The following COL4A6 variants were observed in gnomAD, a reference collection of about 807,000 sequenced individuals.
COL4A6 encodes the protein collagen alpha-6(IV) chain.
Under a neutral mutation model 126.7 loss-of-function variants are expected in COL4A6, and 59 were observed. The observed-to-expected ratio is 0.47, with a 90% CI of 0.38 to 0.58. The LOEUF (loss-of-function observed/expected upper bound fraction) is 0.58, where lower values mean the gene tolerates loss of function less well. COL4A6 is among the 20% of genes least tolerant of loss of function. The probability of loss-of-function intolerance (pLI) is 0.00; values close to 1 mark genes in which losing one functional copy is unlikely to be tolerated. For synonymous variants in COL4A6, 547 were observed against 496.6 expected (o/e 1.10, Z -1.35); for missense variants, 1,285 against 1,337.3 (o/e 0.96, Z 0.61).
At chrX:108,162,814 G>A in intron 41 of COL4A6, 78 bp downstream of exon 41, 2 of 1,003,479 alleles carry the variant, frequency 2.0e-6, no homozygotes, top group Non-Finnish European at 2.7e-6. Context: ...CACCCTTGGA[G>A]GTGGACATCC....
At chrX:108,239,418 T>C (rs1238511558) in intron 3 of COL4A6, among the ~76,000 whole-genome samples, 1 of 112,249 alleles carries the variant, frequency 8.9e-6, no homozygotes, top group Non-Finnish European at 1.9e-5. Context: ...GCTTTTCTTT[T>C]CTTTTTCAGG....
chrX:108,188,587 C>T lies in COL4A6; in HGVS notation c.1517G>A (p.Gly506Asp), dbSNP rs758159034. The change falls in exon 21 of 45, where the codon GGC (glycine) becomes GAC (aspartate). Residue 506 changes from glycine (G) to aspartate (D), a missense_variant. Gly to Asp is a moderately conservative substitution (Grantham distance 94, BLOSUM62 -1). Coordinates refer to ENST00000334504, the MANE Select transcript of COL4A6 (RefSeq NM_033641.4). ...TCTGGCTCCTTTAAGGCCTGGAAGGCCTATGAGACCCCATGGACCAGGTGG... is the reference window on the plus strand; with the variant it reads ...TCTGGCTCCTTTAAGGCCTGGAAGGTCTATGAGACCCCATGGACCAGGTGG... ...PGPPGPWGLI[G>D]LPGLKGARGD... 1.7e-6 allele frequency: 2 copies of T among 1,200,429 alleles called. No individual in the cohort carries two copies. Among genetic ancestry groups the T allele is most frequent in the South Asian group, 1.8e-5 (1 of 54,518 alleles).
chrX:108,214,258 T>C, intron 5 of COL4A6, 30 bp from the exon 6 acceptor site: 1 of 1,049,647 alleles, frequency 9.5e-7, no homozygotes, highest in Non-Finnish European at 1.3e-6. Flanking sequence ...GGGATCAAGT[T>C]AGCCAAAGGA....
intron 3 of COL4A6, among the ~76,000 whole-genome samples, chrX:108,226,182 G>A (rs1046518690): frequency 6.2e-5 from 7 of 112,651 alleles, no homozygotes; most frequent in African/African-American, 2.3e-4. Context: ...TTGGATTATT[G>A]TCAGCATTTA....
chrX:108,203,295 G>C (rs968246487), intron 12 of COL4A6, among the ~76,000 whole-genome samples: 2 of 112,293 alleles, frequency 1.8e-5, no homozygotes, highest in Non-Finnish European at 3.8e-5. Flanking sequence ...AAGCTGTTCA[G>C]TACAATTTCC....
chrX:108,343,165 A>ATATATATATAGTGTGTGT (rs1377817612), intron 2 of COL4A6, among the ~76,000 whole-genome samples: 17 of 31,408 alleles, frequency 5.4e-4, no homozygotes, highest in Admixed American at 3.5e-3. Context: ...ATATATATAT[A>ATATATATATAGTGTGTGT]GTGTGTGTGT....
chrX:108,305,098 T>C (rs1233777798), intron 3 of COL4A6, among the ~76,000 whole-genome samples: 1 of 111,691 alleles, frequency 9.0e-6, no homozygotes, highest in Non-Finnish European at 1.9e-5. Context: ...GAAATGATGG[T>C]AAGAGTAGAC....
chrX:108,187,737 G>T, intron 22 of COL4A6, 111 bp downstream of exon 22: 1 of 753,582 alleles, frequency 1.3e-6, no homozygotes, highest in Non-Finnish European at 1.9e-6. Context: ...GCAGGGCAAG[G>T]TCCTCTAGAC....
At chrX:108,392,036 A>C in intron 2 of COL4A6, among the ~76,000 whole-genome samples, 1 of 112,465 alleles carries the variant, frequency 8.9e-6, no homozygotes, top group Non-Finnish European at 1.9e-5. Flanking sequence ...AGTCTTTTCA[A>C]CAAATGGCGT....
rs370164057 is a variant in COL4A6 at position 108,169,607 on chromosome X, G to A, written c.3579C>T (p.Thr1193=). 30 of 1,207,624 alleles carry A rather than the reference G, an allele frequency of 2.5e-5. No homozygotes were observed. Among genetic ancestry groups the A allele is most frequent in the African/African-American group, 3.5e-5 (2 of 57,063 alleles). The part of the protein sequence containing the change: ...GTHGTPGPSI[T]GVPGPAGLPG... ...GGAGACCAGCAGGCCCAGGCACACC[G>A]GTGATACTAGGTCCTAGGAGGAGAT... Residue 1193 remains threonine, a synonymous_variant, in exon 37 of 45, where the codon ACC becomes ACT. Coordinates refer to ENST00000334504, the MANE Select transcript of COL4A6 (RefSeq NM_033641.4).
intron 3 of COL4A6, among the ~76,000 whole-genome samples, chrX:108,278,229 A>G (rs1269377629): frequency 1.8e-5 from 2 of 111,952 alleles, no homozygotes; most frequent in Non-Finnish European, 3.8e-5. Context: ...AAGGCAAAGA[A>G]GTTGAAAACT....
At chrX:108,232,509 G>A (rs1332886797) in intron 3 of COL4A6, among the ~76,000 whole-genome samples, 1 of 111,727 alleles carries the variant, frequency 9.0e-6, no homozygotes, top group Non-Finnish European at 1.9e-5. Flanking sequence ...GTTTACTTGG[G>A]ATGAATTTAA....
At chrX:108,207,988 T>C (rs2148214998) in intron 8 of COL4A6, among the ~76,000 whole-genome samples, 1 of 111,651 alleles carries the variant, frequency 9.0e-6, no homozygotes, top group South Asian at 3.8e-4. Context: ...TATTAGAATG[T>C]TATAAAAAAA....
At chrX:108,434,784 T>A (rs868784605) in intron 2 of COL4A6, among the ~76,000 whole-genome samples, 7 of 107,234 alleles carry the variant, frequency 6.5e-5, no homozygotes, top group East Asian at 2.9e-4. Context: ...ATATATATAT[T>A]ATATATTTAT....
chrX:108,408,949 G>A (rs958248064), intron 2 of COL4A6, among the ~76,000 whole-genome samples: 2 of 111,914 alleles, frequency 1.8e-5, no homozygotes, highest in Admixed American at 1.9e-4. Flanking sequence ...CAACAAGAGC[G>A]ACACTCTGTC....
At chrX:108,204,254 A>T in intron 12 of COL4A6, 66 bp downstream of exon 12, 1 of 832,802 alleles carries the variant, frequency 1.2e-6, no homozygotes, top group Non-Finnish European at 1.7e-6. Flanking sequence ...TATTAGAGTT[A>T]AGTTCTTGTA....
chrX:108,324,021 G>A (rs976710112), intron 2 of COL4A6, among the ~76,000 whole-genome samples: 1 of 112,278 alleles, frequency 8.9e-6, no homozygotes, highest in Non-Finnish European at 1.9e-5. Flanking sequence ...CACAGAGCCT[G>A]TCTGCTAATT....
intron 2 of COL4A6, among the ~76,000 whole-genome samples, chrX:108,411,341 C>G (rs1489855246): frequency 9.0e-6 from 1 of 111,566 alleles, no homozygotes; most frequent in Non-Finnish European, 1.9e-5. Context: ...CTTCTAGATG[C>G]CAGTTTATAG....
At chrX:108,310,631 C>T in intron 3 of COL4A6, 117 bp downstream of exon 3, 1 of 587,842 alleles carries the variant, frequency 1.7e-6, no homozygotes, top group Non-Finnish European at 2.8e-6. Flanking sequence ...TGGTCCTCAT[C>T]ACTTTGCTTG....
Sources: gnomAD v4.1 joint callset for allele counts (sites outside exome capture counted in the v4.1 genomes callset) on GRCh38, gnomAD v4.1.1 for gene constraint, MANE v1.5 for transcripts, NCBI Gene and HGNC (gene_info 2026-07-23, HGNC 2026-07-21) for gene names.